Variants in OSBPL10 observed in about 807,000 individuals in gnomAD.
OSBPL10 encodes oxysterol binding protein like 10, also known as oxysterol-binding protein-related protein 10.
A neutral mutation model predicts 81.7 loss-of-function variants in OSBPL10; 49 were observed. That is an observed-to-expected ratio of 0.60 (90% confidence interval 0.48 to 0.76). The LOEUF is 0.76. Among genes scored for constraint, OSBPL10 ranks in the 30% least tolerant of loss-of-function variants. The pLI, the probability that OSBPL10 is intolerant of heterozygous loss-of-function variation, is 0.00. For missense variants in OSBPL10, 923 were observed against 987.8 expected (o/e 0.93, Z 0.88); for synonymous variants, 419 against 383.6 (o/e 1.09, Z -1.08).
intron 6 of OSBPL10, among the ~76,000 whole-genome samples, chr3:31,727,903 G>T (rs1696857525): frequency 6.6e-6 from 1 of 152,154 alleles, no homozygotes; most frequent in Non-Finnish European, 1.5e-5. Context: ...AACATCAGAG[G>T]ATTTCAGATG....
intron 1 of OSBPL10, among the ~76,000 whole-genome samples, chr3:31,905,147 A>G (rs549647081): frequency 1.3e-5 from 2 of 152,202 alleles, no homozygotes; most frequent in Admixed American, 1.3e-4. Flanking sequence ...GGAAATACCA[A>G]TTACTCTGAA....
chr3:31,763,411 A>T (rs1047406125), intron 4 of OSBPL10, among the ~76,000 whole-genome samples: 11 of 152,188 alleles, frequency 7.2e-5, no homozygotes, highest in Admixed American at 7.2e-4. Context: ...TTTTCTTCAG[A>T]CTGCTTCACC....
intron 1 of OSBPL10, among the ~76,000 whole-genome samples, chr3:31,882,873 C>T (rs1695625434): frequency 6.6e-6 from 1 of 152,182 alleles, no homozygotes; most frequent in African/African-American, 2.4e-5. Context: ...TTAACAAAGA[C>T]ATAAAAAACC....
chr3:31,890,647 G>GTAA (rs1366532874), intron 1 of OSBPL10, among the ~76,000 whole-genome samples: 2 of 152,056 alleles, frequency 1.3e-5, no homozygotes, highest in Non-Finnish European at 2.9e-5. Context: ...GATGAGACTC[G>GTAA]ATCTGCTTTT....
intron 2 of OSBPL10, among the ~76,000 whole-genome samples, chr3:32,021,622 T>C (rs960815443): frequency 6.6e-6 from 1 of 152,190 alleles, no homozygotes; most frequent in Non-Finnish European, 1.5e-5. Context: ...GTTAACCATT[T>C]GTATATCTTC....
upstream of OSBPL10, among the ~76,000 whole-genome samples, chr3:31,983,255 C>T (rs1262413994): frequency 2.0e-5 from 3 of 152,328 alleles, no homozygotes; most frequent in Admixed American, 6.5e-5. Flanking sequence ...TAGGTGCATA[C>T]TGGACTATAA....
intron 1 of OSBPL10, among the ~76,000 whole-genome samples, chr3:31,899,271 T>C (rs1696159769): frequency 6.6e-6 from 1 of 151,986 alleles, no homozygotes; most frequent in Non-Finnish European, 1.5e-5. Flanking sequence ...TTAATATGGA[T>C]GGTAAAGTTT....
At chr3:31,873,826 A>G (rs1381607575) in intron 3 of OSBPL10, among the ~76,000 whole-genome samples, 1 of 152,204 alleles carries the variant, frequency 6.6e-6, no homozygotes, top group East Asian at 1.9e-4. Context: ...TGTTTTCACT[A>G]TTTAACTTCT....
At chr3:31,663,246 T>G in intron 11 of OSBPL10, 1 of 984,502 alleles carries the variant, frequency 1.0e-6, no homozygotes, top group Non-Finnish European at 1.2e-6. Flanking sequence ...ACCATGCAAA[T>G]ATGAGATTTC....
chr3:32,011,587 C>T (rs112418600), intron 2 of OSBPL10, among the ~76,000 whole-genome samples: 16 of 152,264 alleles, frequency 1.1e-4, no homozygotes, highest in African/African-American at 2.2e-4. Context: ...CAAAGCTGGA[C>T]GGAGAATGAC....
At chr3:31,849,626 G>A (rs12487988) in intron 3 of OSBPL10, among the ~76,000 whole-genome samples, 62,952 of 151,894 alleles carry the variant, frequency 0.41, 13,316 homozygotes, top group South Asian at 0.57. Flanking sequence ...TTGCTATAAC[G>A]TTGTTATACA....
intron 4 of OSBPL10, among the ~76,000 whole-genome samples, chr3:31,776,405 G>A (rs1698550383): frequency 1.3e-5 from 2 of 152,166 alleles, no homozygotes; most frequent in Non-Finnish European, 2.9e-5. Flanking sequence ...AAACAGTTGG[G>A]CAGTTCCTCA....
rs947788325 is a variant in OSBPL10 at position 31,886,716 on chromosome 3, C to T, written c.282-6886G>A. On this transcript the variant is annotated intron_variant, in intron 1 of 11. Transcript: ENST00000396556. ...CAGCACTTTGGGAGGCTGAGGCGGG[C>T]GGATCACGAGGTCAGGAGTTCGAGA... Among the ~76,000 whole-genome samples the T allele has an allele frequency of 1.1e-4, 16 of 152,156 alleles. No individual in the cohort carries two copies. In the Middle Eastern group the frequency reaches 0.014, roughly 129 times the overall value.
chr3:31,696,108 C>A (rs932263178), intron 7 of OSBPL10, among the ~76,000 whole-genome samples: 1 of 152,168 alleles, frequency 6.6e-6, no homozygotes, highest in Non-Finnish European at 1.5e-5. Context: ...ATGTGGTTAA[C>A]CATGAGGGTC....
intron 2 of OSBPL10, among the ~76,000 whole-genome samples, chr3:31,996,994 T>A (rs549412308): frequency 6.6e-6 from 1 of 152,272 alleles, no homozygotes; most frequent in African/African-American, 2.4e-5. Context: ...TCATGGAGAT[T>A]CATCTTGATG....
chr3:31,700,019 T>C (rs1176651683), intron 7 of OSBPL10, among the ~76,000 whole-genome samples: 2 of 152,214 alleles, frequency 1.3e-5, no homozygotes, highest in Non-Finnish European at 2.9e-5. Flanking sequence ...ATCAACCTTT[T>C]TATAATACAG....
At chr3:31,940,158 A>T (rs1331756764) in intron 1 of OSBPL10, among the ~76,000 whole-genome samples, 1 of 152,272 alleles carries the variant, frequency 6.6e-6, no homozygotes, top group East Asian at 1.9e-4. Flanking sequence ...ATCAAAGCCA[A>T]AAACTAGAAA....
chr3:32,031,904 A>G (rs976507545), intron 2 of OSBPL10, among the ~76,000 whole-genome samples: 1 of 152,250 alleles, frequency 6.6e-6, no homozygotes, highest in Non-Finnish European at 1.5e-5. Flanking sequence ...TAAATGCAAT[A>G]GAAAAATGAG....
chr3:31,742,324 T>C (rs887141532), intron 5 of OSBPL10, among the ~76,000 whole-genome samples: 8 of 152,242 alleles, frequency 5.3e-5, no homozygotes, highest in Non-Finnish European at 8.8e-5. Context: ...TTTGGCCCTT[T>C]TGGCCAAACC....
Sources: allele counts gnomAD v4.1 joint callset (sites outside exome capture counted in the v4.1 genomes callset), GRCh38; gene constraint gnomAD v4.1.1; transcripts MANE v1.5; gene names NCBI Gene and HGNC (gene_info 2026-07-23, HGNC 2026-07-21).